PTPRN2: variants seen among roughly 807,000 people sequenced by gnomAD.
PTPRN2 encodes receptor-type tyrosine-protein phosphatase N2.
A neutral mutation model predicts 118.8 loss-of-function variants in PTPRN2; 74 were observed. That is an observed-to-expected ratio of 0.62 (90% CI 0.52 to 0.76). PTPRN2 has a LOEUF of 0.76. Ranked by LOEUF, PTPRN2 falls within the 30% of genes least tolerant of loss-of-function variation. The pLI is 0.00. For synonymous variants in PTPRN2, 641 were observed against 608.0 expected, an observed-to-expected ratio of 1.05 and a Z score of -0.80; for missense variants, 1,481 against 1,394.4, an observed-to-expected ratio of 1.06 and a Z score of -0.99.
At chr7:158,514,180 T>C (rs1482305198) in intron 1 of PTPRN2, among the ~76,000 whole-genome samples, 1 of 152,198 alleles carries the variant, frequency 6.6e-6, no homozygotes, top group Non-Finnish European at 1.5e-5. Flanking sequence ...TTCTCTTCTG[T>C]CTGCTGAGGA....
intron 10 of PTPRN2, among the ~76,000 whole-genome samples, chr7:158,098,999 TCCTCCC>T: frequency 1.2e-4 from 3 of 25,290 alleles, no homozygotes. Flanking sequence ...TGCCTCCCCT[TCCTCCC>T]CCAACACATC....
intron 21 of PTPRN2, among the ~76,000 whole-genome samples, chr7:157,567,932 C>T (rs929987824): frequency 2.6e-5 from 4 of 152,178 alleles, no homozygotes; most frequent in Admixed American, 6.5e-5. Flanking sequence ...CACACCTGCC[C>T]TGTGATGCCC....
At chr7:158,225,329 C>T (rs73746432) in intron 3 of PTPRN2, among the ~76,000 whole-genome samples, 3,647 of 152,148 alleles carry the variant, frequency 0.024, 166 homozygotes, top group African/African-American at 0.079. Context: ...CCACCGAGTC[C>T]CTCAGCAGGT....
At chr7:158,164,101 G>C (rs1822647317) in intron 6 of PTPRN2, among the ~76,000 whole-genome samples, 1 of 152,222 alleles carries the variant, frequency 6.6e-6, no homozygotes, top group Non-Finnish European at 1.5e-5. Context: ...AGAGTGGAGA[G>C]AGCACGGTCA....
chr7:158,333,203 G>C (rs1586317205), intron 2 of PTPRN2, among the ~76,000 whole-genome samples: 1 of 110,442 alleles, frequency 9.1e-6, no homozygotes, highest in Admixed American at 8.2e-5. Flanking sequence ...CACCATAAGA[G>C]CTGTCGCCCG....
intron 12 of PTPRN2, among the ~76,000 whole-genome samples, chr7:157,765,650 C>A (rs1422192063): frequency 2.0e-5 from 3 of 150,412 alleles, no homozygotes; most frequent in African/African-American, 7.4e-5. Context: ...ATCCGTCCAC[C>A]CTTCACCCAT....
Position 157,590,647 on chromosome 7 carries a change from C to T in PTPRN2, c.2496+4591G>A, listed in dbSNP as rs1273331137. On this transcript the variant is annotated intron_variant, in intron 17 of 22. Transcript: ENST00000389418. The surrounding 1 kb of genome is among the most constrained non-coding windows in gnomAD (Gnocchi z 4.0). ...ACGGACAGAGGTGCTGTGGGCCCTG[C>T]GGGACGGGGAGCTGATGGGGCCTCG... Among the ~76,000 whole-genome samples the T allele has an allele frequency of 6.6e-6, 1 of 151,876 alleles. No homozygotes were observed. The highest frequency in any genetic ancestry group is 6.6e-5 in the Admixed American group (1 of 15,164).
chr7:158,396,354 C>T (rs2058393549), intron 2 of PTPRN2, among the ~76,000 whole-genome samples: 1 of 152,180 alleles, frequency 6.6e-6, no homozygotes, highest in African/African-American at 2.4e-5. Context: ...AACAAAAAGA[C>T]CTTTAAAGAG....
At chr7:158,404,743 G>A (rs375374684) in intron 2 of PTPRN2, among the ~76,000 whole-genome samples, 10 of 126,894 alleles carry the variant, frequency 7.9e-5, no homozygotes, top group Non-Finnish European at 9.9e-5. Flanking sequence ...CCAGCTCTCC[G>A]GCTTCCAGCT....
At chr7:157,721,068 C>A (rs896862668) in intron 12 of PTPRN2, among the ~76,000 whole-genome samples, 1 of 152,146 alleles carries the variant, frequency 6.6e-6, no homozygotes, top group African/African-American at 2.4e-5. Flanking sequence ...AGGATGCAGC[C>A]GTGGTGTGTG....
intron 14 of PTPRN2, among the ~76,000 whole-genome samples, chr7:157,633,953 A>G (rs1804130206): frequency 6.6e-6 from 1 of 152,222 alleles, no homozygotes; most frequent in South Asian, 2.1e-4. Context: ...GCAGTGCAGG[A>G]TGCAAGTCAG....
At chr7:157,549,327 T>C (rs1356614802) in intron 21 of PTPRN2, among the ~76,000 whole-genome samples, 4 of 151,608 alleles carry the variant, frequency 2.6e-5, no homozygotes, top group South Asian at 2.1e-4. Flanking sequence ...CTTTTCTTTT[T>C]TTTTTTTTTT....
intron 18 of PTPRN2, among the ~76,000 whole-genome samples, chr7:157,577,040 G>T (rs1800093540): frequency 6.6e-6 from 1 of 152,158 alleles, no homozygotes; most frequent in Non-Finnish European, 1.5e-5. Context: ...TTTTTAAAAG[G>T]TTACAATCCA....
rs116791413 is a variant in PTPRN2 at position 158,251,412 on chromosome 7, G to A, written c.278-46139C>T. 3.7e-3 allele frequency among the ~76,000 whole-genome samples: 560 copies of A among 152,082 alleles called. 4 individuals are homozygous for A. Among genetic ancestry groups the A allele is most frequent in the African/African-American group, 0.012 (494 of 41,456 alleles). On this transcript the variant is annotated intron_variant, in intron 3 of 22. Transcript: ENST00000389418. ...TGGATGTATACAGTGCATGTGGGGCGTGTGCAGGTGTGCAATGGATGTATA... is the reference window on the plus strand; with the variant it reads ...TGGATGTATACAGTGCATGTGGGGCATGTGCAGGTGTGCAATGGATGTATA...
intron 11 of PTPRN2, among the ~76,000 whole-genome samples, chr7:157,971,748 A>G (rs1012817525): frequency 5.3e-5 from 8 of 152,248 alleles, no homozygotes; most frequent in Admixed American, 5.2e-4. Flanking sequence ...GAGCATTGGT[A>G]AAGTAACAGA....
rs183188969 is a variant in PTPRN2 at position 158,556,325 on chromosome 7, G to A, written c.112+31233C>T. Among the ~76,000 whole-genome samples the A allele has an allele frequency of 2.1e-4, 32 of 152,188 alleles. No homozygotes were observed. The East Asian group carries it at 4.1e-3, about 19-fold the overall frequency. ...TCCCAGCATTTTGGGAGGCCGAGGC[G>A]GGCAGATCACCTGAGGTCAAGAGTT... is the stretch of plus-strand genomic sequence containing the variant. On this transcript the variant is annotated intron_variant, in intron 1 of 22. Transcript: ENST00000389418.
At position 158,268,030 on chromosome 7, in the gene PTPRN2, T is replaced by G. The variant is rs117088188; in HGVS notation, c.277+48789A>C. Among the ~76,000 whole-genome samples the G allele has an allele frequency of 4.1e-3, 629 of 152,344 alleles. 4 individuals carry two copies. In the Middle Eastern group the frequency reaches 0.051, roughly 12 times the overall value. On this transcript the variant is annotated intron_variant, in intron 3 of 22. Coordinates refer to ENST00000389418, the MANE Select transcript of PTPRN2 (RefSeq NM_002847.5). ...GCCCCAGTGACTGTATTTGGGTAACTGTTTCACCCTCGTGGTGTGACAGCC... is the reference window on the plus strand; with the variant it reads ...GCCCCAGTGACTGTATTTGGGTAACGGTTTCACCCTCGTGGTGTGACAGCC...
intron 1 of PTPRN2, among the ~76,000 whole-genome samples, chr7:158,519,999 C>T (rs553452980): frequency 1.3e-5 from 2 of 152,354 alleles, no homozygotes; most frequent in East Asian, 3.9e-4. Context: ...AGGACATGTG[C>T]CATGGGAAAC....
At chr7:157,859,944 GC>G (rs1177718212) in intron 12 of PTPRN2, among the ~76,000 whole-genome samples, 2 of 123,876 alleles carry the variant, frequency 1.6e-5, no homozygotes, top group Admixed American at 1.6e-4. Context: ...TGCAGGGAGA[GC>G]CCCCCAGCCA....
Sources: allele counts gnomAD v4.1 joint callset (sites outside exome capture counted in the v4.1 genomes callset), GRCh38; gene constraint gnomAD v4.1.1; non-coding constraint Gnocchi (gnomAD v3.1); transcripts MANE v1.5; gene names NCBI Gene and HGNC (gene_info 2026-07-23, HGNC 2026-07-21).